Variants in MAML3 observed in about 807,000 individuals in gnomAD.
MAML3 encodes the protein mastermind like transcriptional coactivator 3, also known as mastermind-like protein 3.
MAML3 carries 27 observed loss-of-function variants against 101.9 expected under a neutral mutation model. The observed-to-expected ratio is 0.27, with a 90% CI of 0.20 to 0.37. The LOEUF (loss-of-function observed/expected upper bound fraction) is 0.37, where lower values mean the gene tolerates loss of function less well. MAML3 is among the 10% of genes least tolerant of loss of function. The pLI is 1.00. For synonymous variants in MAML3, 501 were observed against 555.9 expected, an observed-to-expected ratio of 0.90 and a Z score of 1.39; for missense variants, 1,316 against 1,444.9, an observed-to-expected ratio of 0.91 and a Z score of 1.45.
intron 1 of MAML3, among the ~76,000 whole-genome samples, chr4:139,942,211 A>AGGCAGGCAGGCAGGCAGGCAGGCAGGC (rs879494193): frequency 6.7e-6 from 1 of 148,784 alleles, no homozygotes; most frequent in Non-Finnish European, 1.5e-5. Flanking sequence ...GGCAGGCAGG[A>AGGCAGGCAGGCAGGCAGGCAGGCAGGC]AGGAAGACAT....
At chr4:140,119,324 T>G (rs927626638) in intron 1 of MAML3, among the ~76,000 whole-genome samples, 1 of 152,172 alleles carries the variant, frequency 6.6e-6, no homozygotes, top group Non-Finnish European at 1.5e-5. Context: ...TCAGGAGGCA[T>G]GAAAGGAACC....
intron 2 of MAML3, among the ~76,000 whole-genome samples, chr4:139,805,961 C>G (rs1408376256): frequency 6.6e-6 from 1 of 151,998 alleles, no homozygotes; most frequent in African/African-American, 2.4e-5. Flanking sequence ...ATGAAATAGA[C>G]AAGAATAAGG....
At chr4:139,818,364 T>G (rs1223912527) in intron 2 of MAML3, among the ~76,000 whole-genome samples, 1 of 152,262 alleles carries the variant, frequency 6.6e-6, no homozygotes, top group Non-Finnish European at 1.5e-5. Context: ...CTCCTGTGCC[T>G]GTGGTTAGGC....
At chr4:140,118,752 T>C (rs754837019) in intron 1 of MAML3, among the ~76,000 whole-genome samples, 8 of 152,134 alleles carry the variant, frequency 5.3e-5, no homozygotes, top group Non-Finnish European at 7.4e-5. Flanking sequence ...TTATGGCCCA[T>C]TGGAAACGAT....
intron 1 of MAML3, among the ~76,000 whole-genome samples, chr4:140,066,946 G>A (rs1727546515): frequency 6.6e-6 from 1 of 152,166 alleles, no homozygotes; most frequent in Admixed American, 6.5e-5. Context: ...TACCACACAG[G>A]CTATTTTTAA....
chr4:139,976,829 T>A (rs902860703), intron 1 of MAML3, among the ~76,000 whole-genome samples: 7 of 152,202 alleles, frequency 4.6e-5, no homozygotes, highest in Admixed American at 3.9e-4. Flanking sequence ...TAGGGTGATT[T>A]TTTTTTCCCT....
At chr4:139,792,300 C>G (rs181578578) in intron 2 of MAML3, among the ~76,000 whole-genome samples, 35 of 152,210 alleles carry the variant, frequency 2.3e-4, no homozygotes, top group Admixed American at 2.1e-3. Flanking sequence ...AATGAGCAAA[C>G]GATATCCTTT....
chr4:139,814,091 A>G lies in MAML3; in HGVS notation c.2079+75266T>C, dbSNP rs192144776. 1.2e-4 allele frequency among the ~76,000 whole-genome samples: 18 copies of G among 151,866 alleles called. No homozygotes were observed. The East Asian group carries it at 2.7e-3, about 23-fold the overall frequency. ...TTTCACCAAAAGTTGTGATATATCA[A>G]TAAGTAGGAAGATGGAAGAAGAGGA... On this transcript the variant is annotated intron_variant, in intron 2 of 4. Coordinates refer to ENST00000509479, the MANE Select transcript of MAML3 (RefSeq NM_018717.5).
intron 1 of MAML3, among the ~76,000 whole-genome samples, chr4:139,914,004 T>A (rs538174739): frequency 8.0e-5 from 12 of 150,938 alleles, no homozygotes; most frequent in East Asian, 1.9e-4. Flanking sequence ...TACATTAAAA[T>A]TTTTTTTTTA....
chr4:139,760,242 C>T (rs28483447), intron 2 of MAML3, among the ~76,000 whole-genome samples: 46,092 of 152,092 alleles, frequency 0.3, 7,272 homozygotes, highest in African/African-American at 0.39. Flanking sequence ...GAGCTAAATT[C>T]TCCCTGTGGA....
At chr4:139,907,333 G>C (rs747769239) in intron 1 of MAML3, among the ~76,000 whole-genome samples, 1 of 152,156 alleles carries the variant, frequency 6.6e-6, no homozygotes, top group African/African-American at 2.4e-5. Context: ...AGCTCTAAGA[G>C]TCCCTATTTG....
chr4:139,908,246 A>G (rs1732854880), intron 1 of MAML3, among the ~76,000 whole-genome samples: 1 of 137,908 alleles, frequency 7.3e-6, no homozygotes, highest in African/African-American at 2.4e-5. Context: ...TGTAAACCAT[A>G]TGTTTACATA....
intron 1 of MAML3, among the ~76,000 whole-genome samples, chr4:139,937,005 T>G (rs1733520126): frequency 6.6e-6 from 1 of 152,076 alleles, no homozygotes; most frequent in Non-Finnish European, 1.5e-5. Context: ...GTCAAACAAC[T>G]CTATCACATT....
intron 1 of MAML3, among the ~76,000 whole-genome samples, chr4:140,054,368 C>CAAAAA (rs1344234590): frequency 4.4e-5 from 3 of 68,798 alleles, no homozygotes; most frequent in Non-Finnish European, 5.8e-5. Context: ...GACTCCGTCT[C>CAAAAA]AAAAAAAAAA....
intron 1 of MAML3, among the ~76,000 whole-genome samples, chr4:139,940,504 T>C (rs549380834): frequency 6.6e-6 from 1 of 152,306 alleles, no homozygotes; most frequent in African/African-American, 2.4e-5. Flanking sequence ...TATGACTACT[T>C]TGGCAATAAT....
chr4:139,726,411 T>G (rs1300162429), intron 3 of MAML3, among the ~76,000 whole-genome samples: 1 of 152,198 alleles, frequency 6.6e-6, no homozygotes, highest in East Asian at 1.9e-4. Flanking sequence ...TGTACATGCC[T>G]TTGGTGAACA....
chr4:139,775,807 T>C (rs1730085394), intron 2 of MAML3, among the ~76,000 whole-genome samples: 1 of 152,202 alleles, frequency 6.6e-6, no homozygotes, highest in Non-Finnish European at 1.5e-5. Context: ...ATCCTATTTT[T>C]CTTTCTGCTA....
chr4:140,104,816 C>T (rs1214686234), intron 1 of MAML3, among the ~76,000 whole-genome samples: 5 of 151,648 alleles, frequency 3.3e-5, no homozygotes, highest in Admixed American at 3.3e-4. Context: ...TTTTAAGTAC[C>T]TTAAATAAAA....
intron 1 of MAML3, among the ~76,000 whole-genome samples, chr4:140,109,583 T>C (rs1303931881): frequency 6.6e-6 from 1 of 152,204 alleles, no homozygotes; most frequent in Non-Finnish European, 1.5e-5. Flanking sequence ...TTTCTTCTTT[T>C]AATAGTCCAC....
Sources: gnomAD v4.1 joint callset for allele counts (sites outside exome capture counted in the v4.1 genomes callset) on GRCh38, gnomAD v4.1.1 for gene constraint, MANE v1.5 for transcripts, NCBI Gene and HGNC (gene_info 2026-07-23, HGNC 2026-07-21) for gene names.